Variants in CNTRL observed in about 807,000 individuals in gnomAD.
CNTRL encodes centriolin.
In CNTRL, 233 loss-of-function variants were observed where a neutral mutation model predicts 303.7. The observed-to-expected ratio is 0.77, with a 90% CI of 0.69 to 0.86. The LOEUF (loss-of-function observed/expected upper bound fraction) is 0.86. Ranked by LOEUF, CNTRL falls within the 40% of genes least tolerant of loss-of-function variation. The pLI is 0.00. For missense variants in CNTRL, 2,524 were observed against 2,650.6 expected (o/e 0.95, Z 1.05); for synonymous variants, 900 against 922.2 (o/e 0.98, Z 0.44).
intron 1 of CNTRL, among the ~76,000 whole-genome samples, chr9:121,077,801 C>T (rs1471940620): frequency 6.7e-6 from 1 of 149,044 alleles, no homozygotes; most frequent in Non-Finnish European, 1.5e-5. Context: ...AAAAAATTAG[C>T]CAAGCGTGGT....
chr9:121,175,778 A>T (rs1000246529), intron 43 of CNTRL, among the ~76,000 whole-genome samples: 2 of 152,198 alleles, frequency 1.3e-5, no homozygotes, highest in Non-Finnish European at 2.9e-5. Context: ...CCTGGCAGGG[A>T]TATAGTTAAT....
chr9:121,103,983 T>C (rs1212508484), intron 7 of CNTRL, among the ~76,000 whole-genome samples: 1 of 152,194 alleles, frequency 6.6e-6, no homozygotes, highest in Non-Finnish European at 1.5e-5. Flanking sequence ...CTCAAGGATC[T>C]AGAACTAGAA....
At position 121,092,537 on chromosome 9, in the gene CNTRL, A is replaced by ATC. The variant is rs1373647268; in HGVS notation, c.348+2133_348+2134insCT. On this transcript the variant is annotated intron_variant, in intron 4 of 43. Coordinates refer to ENST00000373855, the MANE Select transcript of CNTRL (RefSeq NM_007018.6). ...ATCTATATATATAATATATATCTAT[A>ATC]TATATTATATATATCTATATATATA... Among the ~76,000 whole-genome samples, 2 of 38,002 alleles carry ATC rather than the reference A, an allele frequency of 5.3e-5. 1 individual carries two copies. Among genetic ancestry groups the ATC allele is most frequent in the Non-Finnish European group, 1.0e-4 (2 of 19,772 alleles). 24.9% of individuals were successfully genotyped at this position (38,002 alleles called of 152,430 possible).
At chr9:121,163,255 G>A (rs1037772043) in intron 34 of CNTRL, among the ~76,000 whole-genome samples, 13 of 150,350 alleles carry the variant, frequency 8.6e-5, no homozygotes, top group Non-Finnish European at 1.8e-4. Context: ...GGGAGATTGA[G>A]GCTGCAGTGA....
intron 34 of CNTRL, among the ~76,000 whole-genome samples, chr9:121,163,579 G>T (rs2052955068): frequency 6.6e-6 from 1 of 151,836 alleles, no homozygotes; most frequent in Non-Finnish European, 1.5e-5. Context: ...TATGTCACAG[G>T]TTGGGAAAAA....
chr9:121,095,383 C>T (rs2048845862), intron 5 of CNTRL, among the ~76,000 whole-genome samples: 1 of 152,100 alleles, frequency 6.6e-6, no homozygotes, highest in South Asian at 2.1e-4. Flanking sequence ...TTTTGACCCC[C>T]AAGATGTTCT....
intron 7 of CNTRL, among the ~76,000 whole-genome samples, chr9:121,100,160 A>G (rs2049084271): frequency 6.6e-6 from 1 of 152,240 alleles, no homozygotes; most frequent in African/African-American, 2.4e-5. Context: ...AGGCAGAGAG[A>G]AAGGTCGGGT....
Position 121,125,698 on chromosome 9 carries a change from T to G in CNTRL, c.1805-18T>G, listed in dbSNP as rs2050479209. ...ACTTTAAAAAGATATATTATTACCC[T>G]TTTTGCATCTTGCTTAGGCCAGATA... On this transcript the variant is annotated intron_variant, in intron 13 of 43. Coordinates refer to ENST00000373855, the MANE Select transcript of CNTRL (RefSeq NM_007018.6). The G allele has an allele frequency of 6.2e-7, 1 of 1,606,882 alleles. No homozygotes were observed. Among genetic ancestry groups the G allele is most frequent in the South Asian group, 1.1e-5 (1 of 90,692 alleles).
intron 8 of CNTRL, among the ~76,000 whole-genome samples, chr9:121,109,112 G>A (rs761445975): frequency 6.6e-6 from 1 of 152,124 alleles, no homozygotes; most frequent in Non-Finnish European, 1.5e-5. Context: ...GTAAAATGGT[G>A]TAGTATTTGC....
chr9:121,161,952 C>T lies in CNTRL; in HGVS notation c.5186C>T (p.Thr1729Ile), dbSNP rs368190949. 102 of 1,613,906 alleles carry T rather than the reference C, an allele frequency of 6.3e-5. No individual in the cohort carries two copies. The highest frequency in any genetic ancestry group is 4.2e-4 in the East Asian group (19 of 44,890). Reference sequence around the variant, plus strand: ...CAAAGGGTATCTGAATTAGAGAAGACTCAGGTGGCAGTGCTAGAGGTAATG... The same window carrying T: ...CAAAGGGTATCTGAATTAGAGAAGATTCAGGTGGCAGTGCTAGAGGTAATG... ...HDQRVSELEK[T>I]QVAVLEEKLE... The change falls in exon 33 of 44, where the codon ACT becomes ATT. Residue 1729 changes from threonine to isoleucine, a missense_variant. Transcript: ENST00000373855.
intron 11 of CNTRL, among the ~76,000 whole-genome samples, chr9:121,116,576 G>A (rs1411412685): frequency 2.0e-5 from 3 of 152,092 alleles, no homozygotes; most frequent in Non-Finnish European, 4.4e-5. Flanking sequence ...GCCCGTCTTG[G>A]CCTCCTAAAT....
intron 5 of CNTRL, 85 bp from the exon 6 acceptor site, chr9:121,096,337 G>T: frequency 1.3e-6 from 1 of 773,832 alleles, no homozygotes. Flanking sequence ...ATCTAACATG[G>T]AGCTAAAGCT....
chr9:121,140,681 A>G lies in CNTRL; in HGVS notation c.2378A>G (p.Gln793Arg). 1 of 1,613,268 alleles carries G rather than the reference A, an allele frequency of 6.2e-7. No homozygotes were observed. Among genetic ancestry groups the G allele is most frequent in the Non-Finnish European group, 8.5e-7 (1 of 1,179,424 alleles). The part of the protein sequence containing the change: ...NLLKQQLKDF[Q>R]NHLNHVVDGL... The stretch of plus-strand genomic sequence containing the variant: ...TTAAAACAGCAACTTAAAGATTTCC[A>G]GAATCACCTTAACCATGTGGTTGAT... The change falls in exon 17 of 44, where the codon CAG becomes CGG. Residue 793 changes from glutamine (Q) to arginine (R), a missense_variant. Gln to Arg is a conservative substitution (Grantham distance 43). Transcript: ENST00000373855.
intron 11 of CNTRL, 111 bp downstream of exon 11, chr9:121,115,311 T>C (rs2049929652): frequency 7.4e-6 from 4 of 543,982 alleles, no homozygotes; most frequent in Non-Finnish European, 1.3e-5. Context: ...TAGTTAATTA[T>C]GGAATGATAA....
At chr9:121,097,026 T>G (rs796561944) in intron 6 of CNTRL, among the ~76,000 whole-genome samples, 3 of 152,182 alleles carry the variant, frequency 2.0e-5, no homozygotes, top group African/African-American at 7.2e-5. Context: ...TTATTTTGAT[T>G]ATAATGTTAG....
Position 121,092,514 on chromosome 9 carries a change from C to CTA in CNTRL, c.348+2118_348+2119dup, listed in dbSNP as rs1325689514. ...ATATATCTATATATATAATATATAT[C>CTA]TATATATATAATATATATCTATATA... On this transcript the variant is annotated intron_variant, in intron 4 of 43. Coordinates refer to ENST00000373855, the MANE Select transcript of CNTRL (RefSeq NM_007018.6). Among the ~76,000 whole-genome samples the CTA allele has an allele frequency of 7.6e-4, 19 of 24,998 alleles. 4 individuals are homozygous for CTA. Among genetic ancestry groups the CTA allele is most frequent in the African/African-American group, 1.7e-3 (19 of 10,910 alleles). 16.4% of individuals were successfully genotyped at this position (24,998 alleles called of 152,430 possible).
rs776242562 is a variant in CNTRL, at chr9:121,138,577, G to T, written c.2235G>T (p.Glu745Asp). The T allele has an allele frequency of 3.1e-6, 5 of 1,613,962 alleles. No homozygotes were observed. The South Asian group carries it at 4.4e-5, about 14-fold the overall frequency. Residue 745 changes from glutamate (E) to aspartate (D), a missense_variant, in exon 16 of 44, where the codon GAG (glutamate) becomes GAT (aspartate). By Grantham distance (45) the Glu-to-Asp change is conservative. Transcript: ENST00000373855. ...AATCAGCCCTTCAAGCAGAACTTGAGAAGGAAAGGCAAGCCCTCAAGAATG... is the reference window on the plus strand; with the variant it reads ...AATCAGCCCTTCAAGCAGAACTTGATAAGGAAAGGCAAGCCCTCAAGAATG... Reference protein sequence around the residue: ...LEQSALQAELEKERQALKNAL... With the variant: ...LEQSALQAELDKERQALKNAL...
chr9:121,126,695 T>G (rs960935416), intron 14 of CNTRL, among the ~76,000 whole-genome samples: 6 of 152,224 alleles, frequency 3.9e-5, no homozygotes, highest in Non-Finnish European at 7.3e-5. Flanking sequence ...TATTCTTTTA[T>G]TATATATGTA....
chr9:121,101,572 G>C (rs2049169207), intron 7 of CNTRL, among the ~76,000 whole-genome samples: 1 of 152,114 alleles, frequency 6.6e-6, no homozygotes, highest in Non-Finnish European at 1.5e-5. Context: ...GAAGGAGATA[G>C]AGCCACAAAA....
Sources: gnomAD v4.1 joint callset for allele counts (sites outside exome capture counted in the v4.1 genomes callset) on GRCh38, gnomAD v4.1.1 for gene constraint, MANE v1.5 for transcripts, NCBI Gene and HGNC (gene_info 2026-07-23, HGNC 2026-07-21) for gene names.